Variants in PPP6R3 observed in about 807,000 individuals in gnomAD.
PPP6R3 encodes serine/threonine-protein phosphatase 6 regulatory subunit 3.
A neutral mutation model predicts 110.7 loss-of-function variants in PPP6R3; 38 were observed. That is an observed-to-expected ratio of 0.34 (90% CI 0.26 to 0.45). The LOEUF (loss-of-function observed/expected upper bound fraction) is 0.45. Among genes scored for constraint, PPP6R3 ranks in the 20% least tolerant of loss-of-function variants. The pLI is 1.00. For synonymous variants in PPP6R3, 369 were observed against 373.5 expected, an observed-to-expected ratio of 0.99 and a Z score of 0.14; for missense variants, 870 against 1,062.4, an observed-to-expected ratio of 0.82 and a Z score of 2.52.
intron 3 of PPP6R3, among the ~76,000 whole-genome samples, chr11:68,540,900 A>G (rs2099311752): frequency 6.6e-6 from 1 of 152,122 alleles, no homozygotes; most frequent in South Asian, 2.1e-4. Flanking sequence ...TTTTTTTAAG[A>G]TGCTCAGATT....
At chr11:68,493,623 A>G (rs1019581612) in intron 1 of PPP6R3, among the ~76,000 whole-genome samples, 7 of 144,978 alleles carry the variant, frequency 4.8e-5, no homozygotes, top group African/African-American at 1.8e-4. Context: ...AACCATATAT[A>G]TATATATATA....
intron 1 of PPP6R3, among the ~76,000 whole-genome samples, chr11:68,503,526 G>A (rs1331588567): frequency 6.6e-6 from 1 of 152,164 alleles, no homozygotes; most frequent in African/African-American, 2.4e-5. Context: ...AGAAAACAAC[G>A]AGTGTGTGAC....
At chr11:68,508,678 C>G (rs567576115) in intron 1 of PPP6R3, among the ~76,000 whole-genome samples, 3 of 152,286 alleles carry the variant, frequency 2.0e-5, no homozygotes, top group Admixed American at 2.0e-4. Flanking sequence ...AAGCAGTCCT[C>G]ATTCTTAAAT....
At chr11:68,531,482 T>C (rs2099240178) in intron 2 of PPP6R3, among the ~76,000 whole-genome samples, 1 of 151,982 alleles carries the variant, frequency 6.6e-6, no homozygotes, top group East Asian at 1.9e-4. Flanking sequence ...GGACTACAGG[T>C]GTGTGCCACC....
At chr11:68,507,246 A>ATT (rs58191278) in intron 1 of PPP6R3, among the ~76,000 whole-genome samples, 34 of 114,978 alleles carry the variant, frequency 3.0e-4, no homozygotes, top group African/African-American at 7.3e-4. Context: ...GTCTTTTTGC[A>ATT]TTTTTTTTTT....
chr11:68,511,756 C>G (rs544573061), intron 1 of PPP6R3, among the ~76,000 whole-genome samples: 1 of 141,186 alleles, frequency 7.1e-6, no homozygotes, highest in East Asian at 2.2e-4. Flanking sequence ...GCTGGGATTA[C>G]AGGCATGAGC....
intron 5 of PPP6R3, among the ~76,000 whole-genome samples, chr11:68,549,640 G>C (rs2153692408): frequency 6.6e-6 from 1 of 152,284 alleles, no homozygotes; most frequent in East Asian, 1.9e-4. Context: ...AGGACAGGGA[G>C]GGGGTTATCA....
At chr11:68,520,261 A>G (rs893229139) in intron 2 of PPP6R3, among the ~76,000 whole-genome samples, 34 of 152,208 alleles carry the variant, frequency 2.2e-4, no homozygotes, top group African/African-American at 8.2e-4. Flanking sequence ...GACAAAAATC[A>G]TTTAATCATC....
chr11:68,579,053 T>C (rs1413575664), intron 14 of PPP6R3, among the ~76,000 whole-genome samples: 1 of 152,232 alleles, frequency 6.6e-6, no homozygotes, highest in Non-Finnish European at 1.5e-5. Flanking sequence ...TTGATGCTTC[T>C]TTCCCATCAT....
At chr11:68,533,117 G>C (rs1033317156) in intron 2 of PPP6R3, among the ~76,000 whole-genome samples, 2 of 152,142 alleles carry the variant, frequency 1.3e-5, no homozygotes, top group Non-Finnish European at 2.9e-5. Flanking sequence ...TTTACCTCAG[G>C]GCTCTGGCCA....
At chr11:68,585,109 C>T (rs994830588) in intron 15 of PPP6R3, among the ~76,000 whole-genome samples, 6 of 152,194 alleles carry the variant, frequency 3.9e-5, no homozygotes, top group Admixed American at 2.6e-4. Context: ...AACCCAGCCA[C>T]GTCACCAGTG....
chr11:68,467,280 AT>A (rs2098755309), intron 1 of PPP6R3, among the ~76,000 whole-genome samples: 1 of 152,238 alleles, frequency 6.6e-6, no homozygotes, highest in African/African-American at 2.4e-5. Context: ...AAACCACGGG[AT>A]TATTAGTTCC....
intron 13 of PPP6R3, 129 bp from the exon 14 acceptor site, chr11:68,575,829 A>T (rs757282517): frequency 8.2e-6 from 5 of 608,726 alleles, no homozygotes; most frequent in Non-Finnish European, 8.7e-6. Flanking sequence ...CCAGTTTCTC[A>T]GCTGATAGGG....
At chr11:68,547,754 A>G (rs1301668580) in intron 4 of PPP6R3, among the ~76,000 whole-genome samples, 2 of 152,234 alleles carry the variant, frequency 1.3e-5, no homozygotes, top group Non-Finnish European at 2.9e-5. Context: ...CTTGCTCTTT[A>G]TAGGCATATT....
rs10791982 is a variant in PPP6R3, at chr11:68,570,196, T to G, written c.1278+299T>G. On this transcript the variant is annotated intron_variant, in intron 11 of 23. Transcript: ENST00000393800. The stretch of plus-strand genomic sequence containing the variant: ...TGATGATTTGAAGAATCATAGAAAT[T>G]TAAATACTATGGAAAACATTTGCAC... Among the ~76,000 whole-genome samples the G allele has an allele frequency of 0.61, 93,185 of 152,122 alleles. 29,782 individuals carry two copies. Among genetic ancestry groups the G allele is most frequent in the South Asian group, 0.8 (3,846 of 4,828 alleles).
intron 1 of PPP6R3, among the ~76,000 whole-genome samples, chr11:68,480,977 T>C (rs567815265): frequency 2.6e-5 from 4 of 152,290 alleles, no homozygotes; most frequent in Admixed American, 1.3e-4. Context: ...ATTTGCTTGC[T>C]AGAAAATGTT....
intron 7 of PPP6R3, among the ~76,000 whole-genome samples, chr11:68,555,544 GT>G (rs2153710787): frequency 6.6e-6 from 1 of 152,350 alleles, no homozygotes; most frequent in African/African-American, 2.4e-5. Context: ...ATAGTAGACA[GT>G]GCAGGTTCTG....
chr11:68,604,051 A>G (rs1937910766), intron 22 of PPP6R3, among the ~76,000 whole-genome samples: 1 of 152,238 alleles, frequency 6.6e-6, no homozygotes, highest in African/African-American at 2.4e-5. Context: ...GACTGAAGCT[A>G]AGCCTGTGCT....
intron 1 of PPP6R3, among the ~76,000 whole-genome samples, chr11:68,477,741 A>AAAAAATATATATATATATATAT: frequency 1.7e-5 from 1 of 57,906 alleles, no homozygotes; most frequent in Non-Finnish European, 3.3e-5. Context: ...AAAAAAAAAA[A>AAAAAATATATATATATATATAT]ATATATATAT....
Sources: gnomAD v4.1 joint callset for allele counts (sites outside exome capture counted in the v4.1 genomes callset) on GRCh38, gnomAD v4.1.1 for gene constraint, MANE v1.5 for transcripts, NCBI Gene and HGNC (gene_info 2026-07-23, HGNC 2026-07-21) for gene names.